The following PCDHA6 variants were observed in gnomAD, a reference collection of about 807,000 sequenced individuals.
The protein encoded by PCDHA6 is protocadherin alpha-6.
In PCDHA6, 55 loss-of-function variants were observed where a neutral mutation model predicts 60.3. The observed-to-expected ratio is 0.91, with a 90% CI of 0.73 to 1.14. The LOEUF (loss-of-function observed/expected upper bound fraction) is 1.14. Among genes scored for constraint, PCDHA6 ranks in the 50% most tolerant of loss-of-function variants. The pLI is 0.00. For synonymous variants in PCDHA6, 652 were observed against 557.9 expected, an observed-to-expected ratio of 1.17 and a Z score of -2.38; for missense variants, 1,327 against 1,256.5, an observed-to-expected ratio of 1.06 and a Z score of -0.85.
At position 140,923,318 on chromosome 5, in the gene PCDHA6, A is replaced by G. The variant is rs189105018; in HGVS notation, c.2395-55631A>G. Among the ~76,000 whole-genome samples the G allele has an allele frequency of 8.1e-3, 1,226 of 152,276 alleles. 6 individuals are homozygous for G. The highest frequency in any genetic ancestry group is 0.019 in the African/African-American group (794 of 41,558). On this transcript the variant is annotated intron_variant, in intron 1 of 3. Transcript: ENST00000529310. ...CTGGGCGTGGGGGCGCTTGGCCTAG[A>G]AGTTCAAGGACAGTTTGGGCAACAT...
chr5:140,969,128 A>T (rs140518271), intron 1 of PCDHA6: 11 of 1,614,040 alleles, frequency 6.8e-6, no homozygotes, highest in Non-Finnish European at 9.3e-6. Context: ...TGGCTCCCTC[A>T]CCAAGACCTA....
intron 1 of PCDHA6, among the ~76,000 whole-genome samples, chr5:140,912,358 T>G (rs2075885370): frequency 1.4e-5 from 2 of 146,130 alleles, no homozygotes; most frequent in African/African-American, 2.6e-5. Flanking sequence ...TTTTTTTTTT[T>G]GCAGCTGTTG....
chr5:140,869,778 C>A (rs782226363), intron 1 of PCDHA6: 1 of 1,612,922 alleles, frequency 6.2e-7, no homozygotes, highest in Non-Finnish European at 8.5e-7. Context: ...TTACTGGCAC[C>A]GTTCGGCTGT....
At chr5:140,988,043 A>G (rs2153870251) in intron 3 of PCDHA6, among the ~76,000 whole-genome samples, 1 of 152,336 alleles carries the variant, frequency 6.6e-6, no homozygotes, top group Non-Finnish European at 1.5e-5. Context: ...GAATCTGTTT[A>G]GGAGCACTGT....
At position 140,903,272 on chromosome 5, in the gene PCDHA6, G is replaced by A. The variant is rs907509606; in HGVS notation, c.2394+72787G>A. Among the ~76,000 whole-genome samples the A allele has an allele frequency of 2.6e-5, 4 of 152,138 alleles. No individual in the cohort carries two copies. The East Asian group carries it at 5.8e-4, about 22-fold the overall frequency. ...TAGTAATTCTTGCAGGAGTGAGGTA[G>A]TGTCTCATTGTGCATTAGGAAATTT... On this transcript the variant is annotated intron_variant, in intron 1 of 3. Transcript: ENST00000529310.
chr5:140,946,648 C>A (rs1195536248), intron 1 of PCDHA6, among the ~76,000 whole-genome samples: 2 of 99,274 alleles, frequency 2.0e-5, no homozygotes, highest in African/African-American at 1.2e-4. Flanking sequence ...GAATACTCAT[C>A]AGCCATTAGA....
intron 1 of PCDHA6, among the ~76,000 whole-genome samples, chr5:140,921,833 T>C (rs1228666561): frequency 1.3e-5 from 2 of 152,094 alleles, no homozygotes; most frequent in Admixed American, 6.6e-5. Flanking sequence ...TATACACATA[T>C]AGACATATTT....
chr5:140,966,932 G>T, intron 1 of PCDHA6: 2 of 1,603,726 alleles, frequency 1.2e-6, no homozygotes, highest in Non-Finnish European at 1.7e-6. Context: ...GGCACCCGGC[G>T]CGCTCGTGGG....
intron 1 of PCDHA6, among the ~76,000 whole-genome samples, chr5:140,887,432 C>G (rs2061445843): frequency 6.6e-6 from 1 of 152,120 alleles, no homozygotes; most frequent in Non-Finnish European, 1.5e-5. Flanking sequence ...AGTATTTTCA[C>G]TGGGCATAGT....
intron 1 of PCDHA6, chr5:140,870,575 A>G (rs2052179546): frequency 6.2e-7 from 1 of 1,613,690 alleles, no homozygotes; most frequent in Admixed American, 1.7e-5. Flanking sequence ...CTGGTGTCCT[A>G]CTCGCTGGTG....
At chr5:140,858,356 T>G (rs782216764) in intron 1 of PCDHA6, 1 of 1,593,100 alleles carries the variant, frequency 6.3e-7, no homozygotes, top group Non-Finnish European at 8.6e-7. Context: ...CCTCATGGCC[T>G]TCAGCCCCAG....
intron 1 of PCDHA6, chr5:140,854,137 G>A (rs1297927276): frequency 9.5e-6 from 4 of 422,564 alleles, no homozygotes; most frequent in Non-Finnish European, 9.2e-6. Context: ...ATTTCAGCCC[G>A]GGTGACAGCA....
At chr5:140,864,373 TAA>T (rs1207632407) in intron 1 of PCDHA6, 1 of 152,248 alleles carries the variant, frequency 6.6e-6, no homozygotes, top group Non-Finnish European at 1.5e-5. Context: ...CTATAATCGA[TAA>T]GTTTATCTCT....
intron 1 of PCDHA6, chr5:140,869,562 A>G (rs373044645): frequency 8.1e-6 from 13 of 1,614,050 alleles, no homozygotes; most frequent in South Asian, 2.2e-5. Context: ...CGCGTTTTCC[A>G]CTAGAGGGAG....
intron 1 of PCDHA6, chr5:140,966,633 C>G (rs2096029445): frequency 8.9e-6 from 9 of 1,005,802 alleles, no homozygotes; most frequent in Non-Finnish European, 5.4e-6. Flanking sequence ...CGGCCCCAGG[C>G]GCTTTCTAGA....
At chr5:140,924,480 T>C (rs2081865040) in intron 1 of PCDHA6, among the ~76,000 whole-genome samples, 1 of 152,178 alleles carries the variant, frequency 6.6e-6, no homozygotes, top group Non-Finnish European at 1.5e-5. Flanking sequence ...TGGTTTTTAG[T>C]GGAACACTGG....
intron 1 of PCDHA6, among the ~76,000 whole-genome samples, chr5:140,926,157 C>T (rs1264983904): frequency 4.0e-5 from 6 of 151,736 alleles, no homozygotes; most frequent in Non-Finnish European, 8.8e-5. Flanking sequence ...GAAAGCTCTG[C>T]AGCAGGATCC....
chr5:140,827,966 G>T lies in PCDHA6; in HGVS notation c.-126G>T. The T allele has an allele frequency of 7.5e-7, 1 of 1,337,492 alleles. No homozygotes were observed. Among genetic ancestry groups the T allele is most frequent in the Non-Finnish European group, 1.0e-6 (1 of 977,882 alleles). The allele number at this position is 1,337,492 out of a possible 1,614,324, so 82.9% of individuals were successfully genotyped here. On this transcript the variant is annotated 5_prime_UTR_variant, in exon 1 of 4. Coordinates refer to ENST00000529310, the MANE Select transcript of PCDHA6 (RefSeq NM_018909.4). ...CAACATTCAAATTTCTTCTATTACT[G>T]CATCATTCCCTGACTGTTGAATGAT...
Position 140,907,813 on chromosome 5 carries a change from G to A in PCDHA6, c.2395-71136G>A, listed in dbSNP as rs192249919. On this transcript the variant is annotated intron_variant, in intron 1 of 3. Coordinates refer to ENST00000529310, the MANE Select transcript of PCDHA6 (RefSeq NM_018909.4). ...AGAGGCTAAGTGGTGTCCACAGAACGAGTCATCCTATCCACTTGTTTATTA... is the reference window on the plus strand; with the variant it reads ...AGAGGCTAAGTGGTGTCCACAGAACAAGTCATCCTATCCACTTGTTTATTA... Among the ~76,000 whole-genome samples the A allele has an allele frequency of 2.7e-3, 406 of 152,332 alleles. 1 individual carries two copies. The highest frequency in any genetic ancestry group is 9.3e-3 in the African/African-American group (387 of 41,574).
Sources: allele counts gnomAD v4.1 joint callset (sites outside exome capture counted in the v4.1 genomes callset), GRCh38; gene constraint gnomAD v4.1.1; transcripts MANE v1.5; gene names NCBI Gene and HGNC (gene_info 2026-07-23, HGNC 2026-07-21).